CNTNAP5: variants seen among roughly 807,000 people sequenced by gnomAD.
CNTNAP5 encodes the protein contactin associated protein family member 5, also known as contactin-associated protein-like 5.
A neutral mutation model predicts 150.2 loss-of-function variants in CNTNAP5; 72 were observed. The observed-to-expected ratio is 0.48, with a 90% CI of 0.40 to 0.58. The LOEUF (loss-of-function observed/expected upper bound fraction) is 0.58, where lower values mean the gene tolerates loss of function less well. Ranked by LOEUF, CNTNAP5 falls within the 20% of genes least tolerant of loss-of-function variation. CNTNAP5 has a pLI of 0.00. For missense variants in CNTNAP5, 1,636 were observed against 1,626.2 expected, an observed-to-expected ratio of 1.01 and a Z score of -0.10; for synonymous variants, 672 against 619.8, an observed-to-expected ratio of 1.08 and a Z score of -1.25.
At chr2:124,148,255 C>T (rs534343822) in intron 1 of CNTNAP5, among the ~76,000 whole-genome samples, 12 of 150,780 alleles carry the variant, frequency 8.0e-5, no homozygotes, top group African/African-American at 2.2e-4. Flanking sequence ...GCCAAGATTG[C>T]GCCACTGCAT....
At chr2:124,818,335 CA>C (rs961860817) in intron 19 of CNTNAP5, among the ~76,000 whole-genome samples, 8 of 152,056 alleles carry the variant, frequency 5.3e-5, no homozygotes, top group African/African-American at 1.7e-4. Flanking sequence ...GCCTGGGAAA[CA>C]AAGAGAGACC....
chr2:124,145,847 T>G (rs1427465357), intron 1 of CNTNAP5, among the ~76,000 whole-genome samples: 10 of 47,140 alleles, frequency 2.1e-4, no homozygotes, highest in Non-Finnish European at 3.3e-4. Flanking sequence ...AAAAAAAAAA[T>G]AAAATATATT....
intron 3 of CNTNAP5, among the ~76,000 whole-genome samples, chr2:124,334,832 C>A (rs1689431704): frequency 6.6e-6 from 1 of 150,410 alleles, no homozygotes; most frequent in South Asian, 2.1e-4. Flanking sequence ...TTTTTTTTTT[C>A]AAATATAGAA....
intron 1 of CNTNAP5, among the ~76,000 whole-genome samples, chr2:124,055,988 C>T (rs1433607902): frequency 1.3e-5 from 2 of 152,094 alleles, no homozygotes; most frequent in Admixed American, 1.3e-4. Context: ...TGCCTCTTTC[C>T]CTTGCACCTT....
intron 1 of CNTNAP5, among the ~76,000 whole-genome samples, chr2:124,109,442 G>T (rs903206678): frequency 1.3e-5 from 2 of 152,180 alleles, no homozygotes; most frequent in Non-Finnish European, 2.9e-5. Flanking sequence ...CCCTTGCCAG[G>T]CTGGAAATAC....
chr2:124,321,123 G>A (rs1291264240), intron 3 of CNTNAP5, among the ~76,000 whole-genome samples: 1 of 152,174 alleles, frequency 6.6e-6, no homozygotes, highest in African/African-American at 2.4e-5. Flanking sequence ...GGATGCAGAG[G>A]AAATTCAGTG....
intron 2 of CNTNAP5, among the ~76,000 whole-genome samples, chr2:124,228,920 A>T (rs988605342): frequency 1.3e-5 from 2 of 152,158 alleles, no homozygotes; most frequent in Non-Finnish European, 2.9e-5. Flanking sequence ...ATATCCTTGT[A>T]CCTCATCACT....
intron 12 of CNTNAP5, among the ~76,000 whole-genome samples, chr2:124,638,003 T>A (rs1678006730): frequency 6.6e-6 from 1 of 152,036 alleles, no homozygotes; most frequent in African/African-American, 2.4e-5. Flanking sequence ...AAGACCTAGA[T>A]GTTTGTTTGC....
At chr2:124,463,325 G>A (rs1484880293) in intron 6 of CNTNAP5, among the ~76,000 whole-genome samples, 1 of 152,182 alleles carries the variant, frequency 6.6e-6, no homozygotes, top group Non-Finnish European at 1.5e-5. Flanking sequence ...AGCAGCTGAC[G>A]TCTGTCAGTC....
intron 11 of CNTNAP5, among the ~76,000 whole-genome samples, chr2:124,578,634 C>T (rs759546396): frequency 2.0e-5 from 3 of 151,914 alleles, no homozygotes; most frequent in South Asian, 2.1e-4. Context: ...TAGCCAAGCA[C>T]GGTGGTGCAC....
At position 124,150,179 on chromosome 2, in the gene CNTNAP5, G is replaced by A. The variant is rs187486442; in HGVS notation, c.83-71526G>A. Among the ~76,000 whole-genome samples the A allele has an allele frequency of 6.6e-5, 10 of 152,282 alleles. No individual in the cohort carries two copies. In the East Asian group the frequency reaches 1.9e-3, roughly 29 times the overall value. On this transcript the variant is annotated intron_variant, in intron 1 of 23. Transcript: ENST00000682447. Reference sequence around the variant, plus strand: ...ATTAAAAAAGGAACAGCACCAGAAAGTATTCATTTGCTGTTATATCAAAAC... The same window carrying A: ...ATTAAAAAAGGAACAGCACCAGAAAATATTCATTTGCTGTTATATCAAAAC...
intron 1 of CNTNAP5, among the ~76,000 whole-genome samples, chr2:124,158,170 A>G (rs549406577): frequency 9.2e-5 from 14 of 152,188 alleles, no homozygotes; most frequent in Non-Finnish European, 1.9e-4. Flanking sequence ...AAGCCAGTCA[A>G]TTTGGCCTTT....
chr2:124,449,941 A>G (rs1249530483), intron 6 of CNTNAP5, among the ~76,000 whole-genome samples: 1 of 152,158 alleles, frequency 6.6e-6, no homozygotes, highest in Non-Finnish European at 1.5e-5. Flanking sequence ...CCACATGACC[A>G]CTAACTGGCT....
intron 10 of CNTNAP5, among the ~76,000 whole-genome samples, chr2:124,528,478 CA>C (rs1272976006): frequency 6.6e-6 from 1 of 152,118 alleles, no homozygotes; most frequent in Non-Finnish European, 1.5e-5. Flanking sequence ...GCATGGATTG[CA>C]AGTATTTCAT....
chr2:124,849,668 G>A (rs549990900), intron 19 of CNTNAP5, among the ~76,000 whole-genome samples: 13 of 152,264 alleles, frequency 8.5e-5, no homozygotes, highest in African/African-American at 3.1e-4. Flanking sequence ...ATCTATGAAT[G>A]TGGGCTATCT....
chr2:124,693,089 G>C (rs553805837), intron 13 of CNTNAP5, among the ~76,000 whole-genome samples: 2 of 152,224 alleles, frequency 1.3e-5, no homozygotes, highest in Non-Finnish European at 2.9e-5. Flanking sequence ...GGTAGCAAGA[G>C]TGTGAGTTTC....
At chr2:124,434,750 A>G (rs540514880) in intron 5 of CNTNAP5, 63 bp downstream of exon 5, 2 of 1,377,966 alleles carry the variant, frequency 1.5e-6, no homozygotes, top group South Asian at 1.3e-5. Context: ...CACAGCTCAC[A>G]GTGTCTGACA....
chr2:124,643,914 C>A (rs1678148097), intron 12 of CNTNAP5, among the ~76,000 whole-genome samples: 1 of 152,160 alleles, frequency 6.6e-6, no homozygotes, highest in Non-Finnish European at 1.5e-5. Flanking sequence ...TCAAATATGA[C>A]CAATAAGAAA....
chr2:124,846,407 T>C (rs1683048868), intron 19 of CNTNAP5, among the ~76,000 whole-genome samples: 1 of 152,198 alleles, frequency 6.6e-6, no homozygotes, highest in Admixed American at 6.5e-5. Context: ...AGTGTGTCCT[T>C]CATTTCCAGG....
Sources: allele counts gnomAD v4.1 joint callset (sites outside exome capture counted in the v4.1 genomes callset), GRCh38; gene constraint gnomAD v4.1.1; transcripts MANE v1.5; gene names NCBI Gene and HGNC (gene_info 2026-07-23, HGNC 2026-07-21).